The following FABP4 variants were observed in gnomAD, a reference collection of about 807,000 sequenced individuals.
FABP4 encodes the protein fatty acid-binding protein, adipocyte.
FABP4 carries 17 observed loss-of-function variants against 14.6 expected under a neutral mutation model. That is an observed-to-expected ratio of 1.16 (90% CI 0.80 to 1.74). The LOEUF is 1.74. FABP4 is among the 40% of genes most tolerant of loss of function. The pLI, the probability that FABP4 is intolerant of heterozygous loss-of-function variation, is 0.00. For missense variants in FABP4, 149 were observed against 160.3 expected, an observed-to-expected ratio of 0.93 and a Z score of 0.38; for synonymous variants, 54 against 54.6, an observed-to-expected ratio of 0.99 and a Z score of 0.05.
intron 1 of FABP4, among the ~76,000 whole-genome samples, chr8:81,481,164 T>C (rs2129799055): frequency 6.6e-6 from 1 of 152,296 alleles, no homozygotes; most frequent in Middle Eastern, 3.4e-3. Context: ...AAGTCTACTT[T>C]TCTGTGCTTC....
At chr8:81,482,555 A>G (rs1808095547) in intron 1 of FABP4, among the ~76,000 whole-genome samples, 1 of 152,218 alleles carries the variant, frequency 6.6e-6, no homozygotes, top group Non-Finnish European at 1.5e-5. Context: ...CATTTAAGAA[A>G]CATATTTTCT....
intron 2 of FABP4, 25 bp from the exon 3 acceptor site, chr8:81,479,540 A>C (rs1289377229): frequency 6.3e-7 from 1 of 1,583,240 alleles, no homozygotes; most frequent in Non-Finnish European, 8.7e-7. Context: ...AAATGTAATG[A>C]CAATGTGCAG....
chr8:81,480,337 T>A (rs1168641315), intron 2 of FABP4, 89 bp downstream of exon 2: 2 of 1,251,100 alleles, frequency 1.6e-6, no homozygotes, highest in Non-Finnish European at 2.2e-6. Context: ...GATAAAATGG[T>A]GTTCCTCCTT....
In FABP4 at chr8:81,483,220, C is replaced by T. The variant is rs1176347222; in HGVS notation, c.-53G>A. Reference sequence around the variant, plus strand: ...AAGGTGAGAAGGAAGCTGCAGTTTTCAGGAGGGTGCTGTGACCCTCTTGAG... The same window carrying T: ...AAGGTGAGAAGGAAGCTGCAGTTTTTAGGAGGGTGCTGTGACCCTCTTGAG... On this transcript the variant is annotated 5_prime_UTR_variant, in exon 1 of 4. Coordinates refer to ENST00000256104, the MANE Select transcript of FABP4 (RefSeq NM_001442.3). 2 of 1,448,192 alleles carry T rather than the reference C, an allele frequency of 1.4e-6. No individual in the cohort carries two copies. The highest frequency in any genetic ancestry group is 2.3e-5 in the East Asian group (1 of 43,622). The allele number at this position is 1,448,192 out of a possible 1,614,324, so 89.7% of individuals were successfully genotyped here. A position where few individuals can be genotyped will look rare whatever the true frequency, so the allele number is the denominator to read the frequency against.
Position 81,483,135 on chromosome 8 carries a change from A to T in FABP4, c.33T>A (p.Leu11=). 6.2e-7 allele frequency: 1 copy of T among 1,610,456 alleles called. No individual in the cohort carries two copies. The change falls in exon 1 of 4, where the codon CTT becomes CTA. Residue 11 remains leucine, a synonymous_variant. Transcript: ENST00000256104. MCDAFVGTWK[L]VSSENFDDYM... ...AATCATCAAAGTTTTCACTGGAGAC[A>T]AGTTTCCAGGTACCTACAAAAGCAT...
At chr8:81,482,076 C>G (rs984596409) in intron 1 of FABP4, among the ~76,000 whole-genome samples, 8 of 152,112 alleles carry the variant, frequency 5.3e-5, no homozygotes, top group Non-Finnish European at 1.0e-4. Flanking sequence ...TTGAATCACT[C>G]TAGTTTATTC....
At chr8:81,481,951 A>G (rs1043374570) in intron 1 of FABP4, among the ~76,000 whole-genome samples, 1 of 152,206 alleles carries the variant, frequency 6.6e-6, no homozygotes, top group Middle Eastern at 3.2e-3. Flanking sequence ...TATAATTTAA[A>G]AACACAGTAT....
chr8:81,480,489 A>G lies in FABP4; in HGVS notation c.183T>C (p.Thr61=). ...CCTGGCCCAGTATGAAGGAAATCTC[A>G]GTATTTTTAAAGGTACTTTCAGATT... is the stretch of plus-strand genomic sequence containing the variant. ...TIKSESTFKN[T]EISFILGQEF... The change falls in exon 2 of 4, where the codon ACT becomes ACC. Residue 61 remains threonine (T), a synonymous_variant. Transcript: ENST00000256104. 1 of 1,613,886 alleles carries G rather than the reference A, an allele frequency of 6.2e-7. No homozygotes were observed. The highest frequency in any genetic ancestry group is 8.5e-7 in the Non-Finnish European group (1 of 1,179,816).
Position 81,480,482 on chromosome 8 carries a change from A to C in FABP4, c.190T>G (p.Ser64Ala), listed in dbSNP as rs1585811625. 1 of 1,613,892 alleles carries C rather than the reference A, an allele frequency of 6.2e-7. No homozygotes were observed. The highest frequency in any genetic ancestry group is 1.3e-5 in the African/African-American group (1 of 75,018). ...SESTFKNTEISFILGQEFDEV... is the reference protein window; with the variant it reads ...SESTFKNTEIAFILGQEFDEV... ...TCAAATTCCTGGCCCAGTATGAAGG[A>C]AATCTCAGTATTTTTAAAGGTACTT... Residue 64 changes from serine to alanine, a missense_variant, in exon 2 of 4, where the codon TCC (serine) becomes GCC (alanine). Ser to Ala is a moderately conservative substitution (Grantham distance 99). Transcript: ENST00000256104.
intron 1 of FABP4, among the ~76,000 whole-genome samples, chr8:81,482,467 G>A (rs2290201): frequency 0.4 from 61,444 of 152,018 alleles, 15,351 homozygotes; most frequent in East Asian, 0.74. Flanking sequence ...TATGTTATAT[G>A]CGTAACATTC....
chr8:81,480,585 G>T lies in FABP4; in HGVS notation c.87C>A (p.Ala29=), dbSNP rs878895901. Residue 29 remains alanine, a synonymous_variant, in exon 2 of 4, where the codon GCC becomes GCA. Coordinates refer to ENST00000256104, the MANE Select transcript of FABP4 (RefSeq NM_001442.3). Reference sequence around the variant, plus strand: ...TGGCCATGCCAGCCACTTTCCTGGTGGCAAAGCCCACTCCTACAGTTAGGA... The same window carrying T: ...TGGCCATGCCAGCCACTTTCCTGGTTGCAAAGCCCACTCCTACAGTTAGGA... ...DYMKEVGVGF[A]TRKVAGMAKP... is the part of the protein sequence containing the mutation. The T allele has an allele frequency of 6.2e-7, 1 of 1,611,376 alleles. No homozygotes were observed. The highest frequency in any genetic ancestry group is 1.1e-5 in the South Asian group (1 of 90,444).
intron 3 of FABP4, among the ~76,000 whole-genome samples, 155 bp from the exon 4 acceptor site, chr8:81,479,070 A>T (rs1808020597): frequency 6.6e-6 from 1 of 152,144 alleles, no homozygotes; most frequent in African/African-American, 2.4e-5. Flanking sequence ...TAAGATAGGG[A>T]GATATAAAGA....
chr8:81,483,179 T>C lies in FABP4; in HGVS notation c.-12A>G. ...AAAGCATCACACATTTTGTGAGTTT[T>C]CTAGGATTATTCTTCAAGGTGAGAA... On this transcript the variant is annotated 5_prime_UTR_variant, in exon 1 of 4. Coordinates refer to ENST00000256104, the MANE Select transcript of FABP4 (RefSeq NM_001442.3). 1 of 1,605,644 alleles carries C rather than the reference T, an allele frequency of 6.2e-7. No individual in the cohort carries two copies. Among genetic ancestry groups the C allele is most frequent in the Non-Finnish European group, 8.5e-7 (1 of 1,176,074 alleles).
At chr8:81,479,604 G>A in intron 2 of FABP4, 89 bp from the exon 3 acceptor site, 1 of 833,776 alleles carries the variant, frequency 1.2e-6, no homozygotes, top group Non-Finnish European at 2.0e-6. Flanking sequence ...GGAATATTTT[G>A]AGGTCATTAG....
chr8:81,482,467 G>T (rs2290201), intron 1 of FABP4, among the ~76,000 whole-genome samples: 1 of 151,964 alleles, frequency 6.6e-6, no homozygotes, highest in Non-Finnish European at 1.5e-5. Context: ...TATGTTATAT[G>T]CGTAACATTC....
Position 81,479,441 on chromosome 8 carries a change from T to A in FABP4, c.321A>T (p.Arg107Ser). ...KWDGKSTTIKRKREDDKLVVE... is the reference protein window; with the variant it reads ...KWDGKSTTIKSKREDDKLVVE... ...CCACCAGTTTATCATCCTCTCGTTT[T>A]CTCTTTATGGTGGTTGATTTTCCAT... is the stretch of plus-strand genomic sequence containing the variant. Residue 107 changes from arginine (R) to serine (S), a missense_variant, in exon 3 of 4, where the codon AGA (arginine) becomes AGT (serine). Physicochemically the swap from Arg to Ser is moderately radical, Grantham distance 110. Coordinates refer to ENST00000256104, the MANE Select transcript of FABP4 (RefSeq NM_001442.3). The A allele has an allele frequency of 6.2e-7, 1 of 1,613,436 alleles. No individual in the cohort carries two copies. The highest frequency in any genetic ancestry group is 8.5e-7 in the Non-Finnish European group (1 of 1,179,524).
In FABP4 at chr8:81,480,550, A is replaced by G; in HGVS notation, c.122T>C (p.Met41Thr). 6.2e-7 allele frequency: 1 copy of G among 1,613,362 alleles called. No individual in the cohort carries two copies. ...CACATCCCCATTCACACTGATGATC[A>G]TGTTAGGTTTGGCCATGCCAGCCAC... ...RKVAGMAKPN[M>T]IISVNGDVIT... Residue 41 changes from methionine to threonine, a missense_variant, in exon 2 of 4, where the codon ATG (methionine) becomes ACG (threonine). Transcript: ENST00000256104.
chr8:81,483,182 A>G lies in FABP4; in HGVS notation c.-15T>C. On this transcript the variant is annotated 5_prime_UTR_variant, in exon 1 of 4. Coordinates refer to ENST00000256104, the MANE Select transcript of FABP4 (RefSeq NM_001442.3). ...GCATCACACATTTTGTGAGTTTTCT[A>G]GGATTATTCTTCAAGGTGAGAAGGA... The G allele has an allele frequency of 6.2e-7, 1 of 1,603,980 alleles. No homozygotes were observed. The highest frequency in any genetic ancestry group is 8.5e-7 in the Non-Finnish European group (1 of 1,175,070).
chr8:81,481,902 CAGA>C (rs1224352993), intron 1 of FABP4, among the ~76,000 whole-genome samples: 1 of 152,122 alleles, frequency 6.6e-6, no homozygotes, highest in African/African-American at 2.4e-5. Context: ...TAATTTCATG[CAGA>C]AGGTGTTTTA....
Sources: gnomAD v4.1 joint callset for allele counts (sites outside exome capture counted in the v4.1 genomes callset) on GRCh38, gnomAD v4.1.1 for gene constraint, MANE v1.5 for transcripts, NCBI Gene and HGNC (gene_info 2026-07-23, HGNC 2026-07-21) for gene names.